Variants in AMN1 observed in about 807,000 individuals in gnomAD.
AMN1 encodes protein AMN1 homolog.
Under a neutral mutation model 33.0 loss-of-function variants are expected in AMN1, and 20 were observed. The observed-to-expected ratio is 0.61, with a 90% CI of 0.43 to 0.88. AMN1 has a LOEUF of 0.88. Ranked by LOEUF, AMN1 falls within the 40% of genes least tolerant of loss-of-function variation. The probability of loss-of-function intolerance (pLI) is 0.00; values close to 1 mark genes in which losing one functional copy is unlikely to be tolerated. For synonymous variants in AMN1, 114 were observed against 111.9 expected (o/e 1.02, Z -0.12); for missense variants, 246 against 307.4 (o/e 0.80, Z 1.49).
At chr12:31,692,651 G>A (rs111310580) in intron 5 of AMN1, among the ~76,000 whole-genome samples, 1,587 of 152,078 alleles carry the variant, frequency 0.01, 9 homozygotes, top group Middle Eastern at 0.024. Flanking sequence ...AGCAACGGAA[G>A]GAAAAGTGAC....
chr12:31,689,048 TGA>T lies in AMN1; in HGVS notation c.660_661del (p.Gln221AsnfsTer42). ...TCCATGGAAGAGTAATATACGTATTTGAGGACAGTAAGTAAGGACAGCTTCGA... is the reference window on the plus strand; with the variant it reads ...TCCATGGAAGAGTAATATACGTATTTGGACAGTAAGTAAGGACAGCTTCGA... On this transcript the variant is annotated frameshift_variant, in exon 6 of 7. Coordinates refer to ENST00000281471, the MANE Select transcript of AMN1 (RefSeq NM_001113402.2). LOFTEE classifies it high-confidence loss of function. 6.2e-7 allele frequency: 1 copy of T among 1,613,646 alleles called. No individual in the cohort carries two copies. The highest frequency in any genetic ancestry group is 1.7e-5 in the Admixed American group (1 of 59,996).
Position 31,721,420 on chromosome 12 carries a change from G to T in AMN1, c.38+7551C>A, listed in dbSNP as rs113168700. On this transcript the variant is annotated intron_variant, in intron 1 of 6. Coordinates refer to ENST00000281471, the MANE Select transcript of AMN1 (RefSeq NM_001113402.2). ...GCATTCCCTGTGAGCCAACCTCCCTGCCACTCTGCATTCCCCACACTTCCA... is the reference window on the plus strand; with the variant it reads ...GCATTCCCTGTGAGCCAACCTCCCTTCCACTCTGCATTCCCCACACTTCCA... Among the ~76,000 whole-genome samples, 331 of 152,254 alleles carry T rather than the reference G, an allele frequency of 2.2e-3. 1 individual carries two copies. The highest frequency in any genetic ancestry group is 7.7e-3 in the African/African-American group (319 of 41,544).
intron 2 of AMN1, among the ~76,000 whole-genome samples, chr12:31,707,901 C>A (rs1442967027): frequency 6.6e-6 from 1 of 152,194 alleles, no homozygotes; most frequent in African/African-American, 2.4e-5. Flanking sequence ...ACATTTATCA[C>A]TTCCCAAATA....
Position 31,697,470 on chromosome 12 carries a change from A to C in AMN1, c.535-53T>G, listed in dbSNP as rs1938781280. ...CCATGAATCCAGACAACGGAAGTAG[A>C]ATTTTCCAAAATGTATTCATTATTT... On this transcript the variant is annotated intron_variant, in intron 4 of 6. Coordinates refer to ENST00000281471, the MANE Select transcript of AMN1 (RefSeq NM_001113402.2). 20 of 1,538,622 alleles carry C rather than the reference A, an allele frequency of 1.3e-5. No homozygotes were observed. In the South Asian group the frequency reaches 2.2e-4, roughly 17 times the overall value.
At chr12:31,702,154 G>T in intron 2 of AMN1, 147 bp from the exon 3 acceptor site, 1 of 731,790 alleles carries the variant, frequency 1.4e-6, no homozygotes, top group Non-Finnish European at 2.1e-6. Flanking sequence ...TGTGCAGACA[G>T]ACACACAAAG....
At chr12:31,676,361 G>A (rs1471271575) in intron 6 of AMN1, among the ~76,000 whole-genome samples, 1 of 151,430 alleles carries the variant, frequency 6.6e-6, no homozygotes, top group Non-Finnish European at 1.5e-5. Flanking sequence ...TGTAATCTCA[G>A]CACTTTGGGA....
intron 1 of AMN1, among the ~76,000 whole-genome samples, chr12:31,728,620 G>C (rs1427449490): frequency 1.3e-5 from 2 of 152,198 alleles, no homozygotes; most frequent in Non-Finnish European, 2.9e-5. Context: ...AGAAGCTTTT[G>C]AGAACCTCAT....
At chr12:31,715,812 A>G (rs1219188151) in intron 1 of AMN1, 1 of 153,464 alleles carries the variant, frequency 6.5e-6, no homozygotes, top group African/African-American at 2.4e-5. Flanking sequence ...CTGGCAGTGT[A>G]TTCTACAAAA....
intron 6 of AMN1, among the ~76,000 whole-genome samples, chr12:31,686,573 C>T (rs1389653360): frequency 1.3e-5 from 2 of 152,148 alleles, no homozygotes; most frequent in Non-Finnish European, 2.9e-5. Flanking sequence ...TTCAATATAC[C>T]TAACTTACTG....
At chr12:31,705,035 A>G (rs1414378160) in intron 2 of AMN1, among the ~76,000 whole-genome samples, 1 of 152,204 alleles carries the variant, frequency 6.6e-6, no homozygotes, top group Admixed American at 6.5e-5. Flanking sequence ...ATATTATTCT[A>G]CTTCCACAGA....
chr12:31,719,811 G>A (rs1939814637), intron 1 of AMN1, among the ~76,000 whole-genome samples: 1 of 152,154 alleles, frequency 6.6e-6, no homozygotes, highest in Non-Finnish European at 1.5e-5. Context: ...AAAACTCACA[G>A]CAGCATTGTT....
rs143682136 is a variant in AMN1 at position 31,687,529 on chromosome 12, A to G, written c.703+1478T>C. ...GATACCCCGTCTCTACTAAAAATAC[A>G]AAAATTAGTTGGATGTGGTGGCATG... On this transcript the variant is annotated intron_variant, in intron 6 of 6. Transcript: ENST00000281471. This position sits in a 1 kb window ranked among gnomAD's most constrained non-coding sequence, Gnocchi z 4.1. Among the ~76,000 whole-genome samples, 320 of 152,104 alleles carry G rather than the reference A, an allele frequency of 2.1e-3. 2 individuals carry two copies. Among genetic ancestry groups the G allele is most frequent in the African/African-American group, 7.0e-3 (292 of 41,510 alleles).
intron 6 of AMN1, among the ~76,000 whole-genome samples, chr12:31,684,371 C>T (rs572408367): frequency 4.0e-5 from 6 of 151,668 alleles, no homozygotes; most frequent in South Asian, 2.1e-4. Context: ...AATAGATTTA[C>T]GATTTTTAAA....
rs751730631 is a variant in AMN1, at chr12:31,687,984, C to T, written c.703+1023G>A. Among the ~76,000 whole-genome samples, 2 of 152,128 alleles carry T rather than the reference C, an allele frequency of 1.3e-5. No individual in the cohort carries two copies. The highest frequency in any genetic ancestry group is 6.6e-5 in the Admixed American group (1 of 15,258). On this transcript the variant is annotated intron_variant, in intron 6 of 6. Coordinates refer to ENST00000281471, the MANE Select transcript of AMN1 (RefSeq NM_001113402.2). The surrounding 1 kb of genome is among the most constrained non-coding windows in gnomAD (Gnocchi z 4.1). ...TGTTTGTTTGTTTGAGACGGAGTTT[C>T]GCTCTTGTTGCCCAGGCTGGAATGC...
chr12:31,682,987 G>GT (rs1938096744), intron 6 of AMN1, among the ~76,000 whole-genome samples: 1 of 136,820 alleles, frequency 7.3e-6, no homozygotes, highest in African/African-American at 2.8e-5. Flanking sequence ...TTTTGAGACA[G>GT]TGTCTCACCT....
At chr12:31,699,312 A>C in intron 3 of AMN1, among the ~76,000 whole-genome samples, 1 of 137,896 alleles carries the variant, frequency 7.3e-6, no homozygotes, top group Admixed American at 8.1e-5. Flanking sequence ...AATCAGAATC[A>C]CTTGAACCCA....
chr12:31,701,932 TAGACA>T lies in AMN1; in HGVS notation c.242_246del (p.Leu81GlnfsTer3). On this transcript the variant is annotated frameshift_variant, in exon 3 of 7. Transcript: ENST00000281471. LOFTEE classifies it high-confidence loss of function. ...TTTAATTTCTTCAGTTTTCTACAGT[TAGACA>T]GGTGCAGGAGAGCAGCATCTGATAT... 3.1e-6 allele frequency: 5 copies of T among 1,609,910 alleles called. No individual in the cohort carries two copies. The highest frequency in any genetic ancestry group is 4.2e-6 in the Non-Finnish European group (5 of 1,178,678).
In AMN1 at chr12:31,683,616, G is replaced by A. The variant is rs1046091662; in HGVS notation, c.703+5391C>T. 1.3e-5 allele frequency among the ~76,000 whole-genome samples: 2 copies of A among 152,138 alleles called. No individual in the cohort carries two copies. Among genetic ancestry groups the A allele is most frequent in the Non-Finnish European group, 2.9e-5 (2 of 68,026 alleles). On this transcript the variant is annotated intron_variant, in intron 6 of 6. Transcript: ENST00000281471. This position sits in a 1 kb window ranked among gnomAD's most constrained non-coding sequence, Gnocchi z 4.1. ...TCATGAGATCTGATGGTTTTAAAAG[G>A]GGAAACCCCTTCTCTTGGCTCTCAT...
At chr12:31,725,585 T>C (rs190807122) in intron 1 of AMN1, among the ~76,000 whole-genome samples, 34 of 152,322 alleles carry the variant, frequency 2.2e-4, no homozygotes, top group African/African-American at 7.9e-4. Context: ...ACTTTCTTTT[T>C]TTCTCTCTAT....
Sources: gnomAD v4.1 joint callset for allele counts (sites outside exome capture counted in the v4.1 genomes callset) on GRCh38, gnomAD v4.1.1 for gene constraint, Gnocchi (gnomAD v3.1) non-coding constraint, MANE v1.5 for transcripts, NCBI Gene and HGNC (gene_info 2026-07-23, HGNC 2026-07-21) for gene names.